HMCN2: variants seen among roughly 807,000 people sequenced by gnomAD.
HMCN2 encodes hemicentin 2.
In HMCN2, 325 loss-of-function variants were observed where a neutral mutation model predicts 377.5. That is an observed-to-expected ratio of 0.86 (90% CI 0.79 to 0.94). HMCN2 has a LOEUF of 0.94. Ranked by LOEUF, HMCN2 falls within the 40% of genes least tolerant of loss-of-function variation. HMCN2 has a pLI of 0.00. For synonymous variants in HMCN2, 2,007 were observed against 2,046.8 expected, an observed-to-expected ratio of 0.98 and a Z score of 0.53; for missense variants, 4,543 against 4,725.3, an observed-to-expected ratio of 0.96 and a Z score of 1.13.
intron 23 of HMCN2, among the ~76,000 whole-genome samples, chr9:130,339,161 C>T (rs1838918291): frequency 6.6e-6 from 1 of 152,202 alleles, no homozygotes; most frequent in African/African-American, 2.4e-5. Flanking sequence ...GTACTCCAGC[C>T]TGGGCAACAG....
rs931737038 is a variant in HMCN2, at chr9:130,382,672, C to T, written c.8546-7C>T. The T allele has an allele frequency of 7.1e-6, 7 of 982,756 alleles. No homozygotes were observed. Among genetic ancestry groups the T allele is most frequent in the Non-Finnish European group, 8.5e-6 (7 of 827,388 alleles). The allele number at this position is 982,756 out of a possible 1,614,324, so 60.9% of individuals were successfully genotyped here. A position where few individuals can be genotyped will look rare whatever the true frequency, so the allele number is the denominator to read the frequency against. ...CAGCCCCTCAGCCCCCTCTCCCCCA[C>T]CCCCAGCCCCACCTGTGATCCTGGG... On this transcript the variant is annotated splice_region_variant and splice_polypyrimidine_tract_variant and intron_variant, in intron 55 of 97. Transcript: ENST00000683500.
chr9:130,405,272 G>A (rs888897265), intron 81 of HMCN2, among the ~76,000 whole-genome samples: 5 of 152,218 alleles, frequency 3.3e-5, no homozygotes, highest in South Asian at 4.1e-4. Flanking sequence ...CCTGGACCTC[G>A]GTAGCCAGCT....
At position 130,398,532 on chromosome 9, in the gene HMCN2, A is replaced by T; in HGVS notation, c.11327-19A>T. The T allele has an allele frequency of 1.7e-6, 2 of 1,187,984 alleles. No homozygotes were observed. The highest frequency in any genetic ancestry group is 3.0e-5 in the South Asian group (2 of 66,218). The allele number at this position is 1,187,984 out of a possible 1,614,324, so 73.6% of individuals were successfully genotyped here. On this transcript the variant is annotated intron_variant, in intron 74 of 97. Transcript: ENST00000683500. ...CTGTGCCCCCTGCACCTGTCTCCTG[A>T]CCACTGTGCTCTCCCCAGAGCCTCC...
Position 130,306,825 on chromosome 9 carries a change from C to T in HMCN2, c.1973C>T (p.Ala658Val), listed in dbSNP as rs1476920920. 3 of 469,308 alleles carry T rather than the reference C, an allele frequency of 6.4e-6. No individual in the cohort carries two copies. Among genetic ancestry groups the T allele is most frequent in the African/African-American group, 6.0e-5 (3 of 50,038 alleles). 29.1% of individuals were successfully genotyped at this position (469,308 alleles called of 1,614,324 possible). A position where few individuals can be genotyped will look rare whatever the true frequency, so the allele number is the denominator to read the frequency against. ...CATGATTCTAGAATCCATGTGGACGCACAGGGAACCCTGATTATTCAGGGG... is the reference window on the plus strand; with the variant it reads ...CATGATTCTAGAATCCATGTGGACGTACAGGGAACCCTGATTATTCAGGGG... ...LQEDSRIHVD[A>V]QGTLIIQGVA... Residue 658 changes from alanine to valine, a missense_variant, in exon 13 of 98, where the codon GCA becomes GTA. Ala to Val is a moderately conservative substitution (Grantham distance 64). Coordinates refer to ENST00000683500, the MANE Select transcript of HMCN2 (RefSeq NM_001291815.2).
intron 84 of HMCN2, among the ~76,000 whole-genome samples, chr9:130,409,754 A>G (rs753710492): frequency 1.3e-5 from 2 of 152,190 alleles, no homozygotes; most frequent in Non-Finnish European, 2.9e-5. Flanking sequence ...GTCCTAAGTA[A>G]TGGGCTGAGG....
chr9:130,407,544 C>A, intron 82 of HMCN2, 27 bp from the exon 83 acceptor site: 3 of 1,288,450 alleles, frequency 2.3e-6, no homozygotes, highest in Non-Finnish European at 3.0e-6. Flanking sequence ...GAGTTCCCTG[C>A]ACCCGACTTC....
chr9:130,334,756 CTCTT>C (rs1838639407), intron 22 of HMCN2, among the ~76,000 whole-genome samples: 1 of 86,644 alleles, frequency 1.2e-5, no homozygotes, highest in African/African-American at 3.4e-5. Flanking sequence ...TTCTCTCTCT[CTCTT>C]CTCTCTCTCT....
rs1840385047 is a variant in HMCN2 at position 130,361,511 on chromosome 9, G to C, written c.5951-497G>C. Reference sequence around the variant, plus strand: ...GCCTCATGGGCCATGGGAGAGGTTGGTTCTAAGAGCAGTGGGTAGCTGGGC... The same window carrying C: ...GCCTCATGGGCCATGGGAGAGGTTGCTTCTAAGAGCAGTGGGTAGCTGGGC... On this transcript the variant is annotated intron_variant, in intron 38 of 97. Coordinates refer to ENST00000683500, the MANE Select transcript of HMCN2 (RefSeq NM_001291815.2). This position sits in a 1 kb window ranked among gnomAD's most constrained non-coding sequence, Gnocchi z 4.8. 6.6e-6 allele frequency among the ~76,000 whole-genome samples: 1 copy of C among 152,208 alleles called. No individual in the cohort carries two copies. Among genetic ancestry groups the C allele is most frequent in the South Asian group, 2.1e-4 (1 of 4,826 alleles).
intron 19 of HMCN2, among the ~76,000 whole-genome samples, chr9:130,325,316 G>A (rs1362894605): frequency 1.3e-5 from 2 of 151,532 alleles, no homozygotes; most frequent in East Asian, 3.9e-4. Flanking sequence ...GGCTGGTCTC[G>A]AACTCCTGAC....
chr9:130,355,082 G>A (rs1166544038), intron 32 of HMCN2, 38 bp downstream of exon 32: 3 of 1,235,142 alleles, frequency 2.4e-6, no homozygotes, highest in Admixed American at 5.1e-5. Flanking sequence ...TGCCTGGGCT[G>A]TGGACGTCTG....
intron 80 of HMCN2, 121 bp from the exon 81 acceptor site, chr9:130,404,748 T>C (rs1843008532): frequency 3.4e-6 from 2 of 588,652 alleles, no homozygotes; most frequent in Non-Finnish European, 2.5e-6. Flanking sequence ...GACTAGGGAG[T>C]TGGAGGGGGC....
At chr9:130,429,474 G>T in intron 93 of HMCN2, 83 bp from the exon 94 acceptor site, 2 of 1,513,118 alleles carry the variant, frequency 1.3e-6, no homozygotes, top group Middle Eastern at 1.7e-4. Context: ...AGGAGGCCCA[G>T]ATATGGAGGG....
At chr9:130,341,956 G>A (rs1009443710) in intron 24 of HMCN2, among the ~76,000 whole-genome samples, 11 of 151,726 alleles carry the variant, frequency 7.2e-5, no homozygotes, top group East Asian at 1.9e-4. Context: ...TGGGTGGATC[G>A]CTTGAGCCCA....
At chr9:130,326,431 C>T (rs1477330190) in intron 21 of HMCN2, among the ~76,000 whole-genome samples, 2 of 152,124 alleles carry the variant, frequency 1.3e-5, no homozygotes, top group Non-Finnish European at 2.9e-5. Context: ...ACCCTAAAGG[C>T]TGTGAAGATG....
chr9:130,304,025 C>T lies in HMCN2; in HGVS notation c.1543+417C>T, dbSNP rs941054624. 3.9e-5 allele frequency among the ~76,000 whole-genome samples: 6 copies of T among 152,174 alleles called. No individual in the cohort carries two copies. Among genetic ancestry groups the T allele is most frequent in the Admixed American group, 6.5e-5 (1 of 15,278 alleles). ...GAAATTGGCTTTATTTGAAAAATTA[C>T]GAACGCAAGCTGCTTTGTAGAGAAA... On this transcript the variant is annotated intron_variant, in intron 10 of 97. Coordinates refer to ENST00000683500, the MANE Select transcript of HMCN2 (RefSeq NM_001291815.2). The surrounding 1 kb of genome is among the most constrained non-coding windows in gnomAD (Gnocchi z 4.3).
chr9:130,425,720 G>T lies in HMCN2; in HGVS notation c.13675G>T (p.Gly4559Cys). The change falls in exon 90 of 98, where the codon GGC becomes TGC. Residue 4559 changes from glycine (G) to cysteine (C), a missense_variant. This residue lies in a region of HMCN2 where 1,155 missense variants were observed against 1,157.7 expected (regional missense o/e 1.00). Transcript: ENST00000683500. ...FEEHYVQTGP[G>C]QLFVGSTQRF... Reference sequence around the variant, plus strand: ...GGAGCACTACGTGCAAACAGGGCCTGGCCAGCTGTTCGTGGGCTCCACACA... The same window carrying T: ...GGAGCACTACGTGCAAACAGGGCCTTGCCAGCTGTTCGTGGGCTCCACACA... 1 of 1,546,670 alleles carries T rather than the reference G, an allele frequency of 6.5e-7. No homozygotes were observed. The highest frequency in any genetic ancestry group is 8.7e-7 in the Non-Finnish European group (1 of 1,145,520).
intron 1 of HMCN2, among the ~76,000 whole-genome samples, chr9:130,282,649 C>T (rs1554926151): frequency 6.6e-6 from 1 of 152,214 alleles, no homozygotes; most frequent in Non-Finnish European, 1.5e-5. Context: ...CATTGTGAGG[C>T]ATGCTGGATA....
rs1194914538 is a variant in HMCN2, at chr9:130,382,189, C to T, written c.8437C>T (p.Arg2813Trp). 8.1e-6 allele frequency: 8 copies of T among 985,254 alleles called. No individual in the cohort carries two copies. Among genetic ancestry groups the T allele is most frequent in the African/African-American group, 1.7e-5 (1 of 57,220 alleles). 61.0% of individuals were successfully genotyped at this position (985,254 alleles called of 1,614,324 possible). Residue 2813 changes from arginine (R) to tryptophan (W), a missense_variant, in exon 55 of 98, where the codon CGG (arginine) becomes TGG (tryptophan). By Grantham distance (101) the Arg-to-Trp change is moderately radical. Coordinates refer to ENST00000683500, the MANE Select transcript of HMCN2 (RefSeq NM_001291815.2). ...TCTGTCCCGTGTCCCTGCAGGAGGCCGGGTCCTGCAGATCCCCCTGGTGCG... is the reference window on the plus strand; with the variant it reads ...TCTGTCCCGTGTCCCTGCAGGAGGCTGGGTCCTGCAGATCCCCCTGGTGCG... ...GDEVSVLQGG[R>W]VLQIPLVRAE...
At position 130,408,847 on chromosome 9, in the gene HMCN2, C is replaced by T. The variant is rs1843250637; in HGVS notation, c.12793C>T (p.His4265Tyr). The stretch of plus-strand genomic sequence containing the variant: ...GCGTGGAGACCCAGTGCCGGACATC[C>T]ACTGGATCAAAGATGGCCTTCCACT... ...VVRGDPVPDI[H>Y]WIKDGLPLRG... is the part of the protein sequence containing the mutation. The change falls in exon 84 of 98, where the codon CAC (histidine) becomes TAC (tyrosine). Residue 4265 changes from histidine (H) to tyrosine (Y), a missense_variant. This residue lies in a region of HMCN2 where 1,073 missense variants were observed against 1,319.5 expected (regional missense o/e 0.81). Coordinates refer to ENST00000683500, the MANE Select transcript of HMCN2 (RefSeq NM_001291815.2). 1 of 1,289,690 alleles carries T rather than the reference C, an allele frequency of 7.8e-7. No individual in the cohort carries two copies. Among genetic ancestry groups the T allele is most frequent in the African/African-American group, 1.5e-5 (1 of 65,862 alleles). The allele number at this position is 1,289,690 out of a possible 1,614,324, so 79.9% of individuals were successfully genotyped here. A position where few individuals can be genotyped will look rare whatever the true frequency, so the allele number is the denominator to read the frequency against.
Sources: allele counts gnomAD v4.1 joint callset (sites outside exome capture counted in the v4.1 genomes callset), GRCh38; gene constraint gnomAD v4.1.1; regional missense constraint gnomAD v4.1.1; non-coding constraint Gnocchi (gnomAD v3.1); transcripts MANE v1.5; gene names NCBI Gene and HGNC (gene_info 2026-07-23, HGNC 2026-07-21).